Variants in PLCXD3 observed in about 807,000 individuals in gnomAD.
The protein encoded by PLCXD3 is PI-PLC X domain-containing protein 3.
In PLCXD3, 19 loss-of-function variants were observed where a neutral mutation model predicts 25.5. The ratio of observed to expected loss-of-function variants is 0.75; its 90% CI spans 0.52 to 1.09. The LOEUF is 1.09. PLCXD3 is among the 50% of genes least tolerant of loss of function. PLCXD3 has a pLI of 0.00. For missense variants in PLCXD3, 411 were observed against 388.1 expected (o/e 1.06, Z -0.50); for synonymous variants, 174 against 137.6 (o/e 1.26, Z -1.85).
chr5:41,488,485 A>G (rs1460140955), intron 1 of PLCXD3, among the ~76,000 whole-genome samples: 22 of 117,806 alleles, frequency 1.9e-4, no homozygotes, highest in South Asian at 3.4e-4. Flanking sequence ...CTAGCTCTAG[A>G]TCCCTGAGGA....
At chr5:41,360,727 G>T (rs923036059) in intron 2 of PLCXD3, among the ~76,000 whole-genome samples, 2 of 152,220 alleles carry the variant, frequency 1.3e-5, no homozygotes, top group Admixed American at 6.5e-5. Flanking sequence ...AGGTCTTTCA[G>T]CCATGGATAC....
At chr5:41,368,088 A>G (rs1056053056) in intron 2 of PLCXD3, among the ~76,000 whole-genome samples, 3 of 152,156 alleles carry the variant, frequency 2.0e-5, no homozygotes, top group Admixed American at 1.3e-4. Context: ...CTTTATATCC[A>G]TGAGCATGGA....
chr5:41,345,495 A>G (rs1744272293), intron 2 of PLCXD3, among the ~76,000 whole-genome samples: 2 of 152,214 alleles, frequency 1.3e-5, no homozygotes, highest in Admixed American at 1.3e-4. Context: ...TAGCAATATG[A>G]TGATAAGAAA....
chr5:41,433,756 C>T (rs1580371296), intron 1 of PLCXD3, among the ~76,000 whole-genome samples: 1 of 152,302 alleles, frequency 6.6e-6, no homozygotes, highest in Non-Finnish European at 1.5e-5. Flanking sequence ...TAAACAGCGC[C>T]CTCACAGGAG....
intron 2 of PLCXD3, among the ~76,000 whole-genome samples, chr5:41,315,483 G>A (rs1743264170): frequency 6.6e-6 from 1 of 151,772 alleles, no homozygotes; most frequent in Non-Finnish European, 1.5e-5. Context: ...GGCTGAGCAA[G>A]ATGGTGGAAC....
chr5:41,491,271 T>C (rs1201916862), intron 1 of PLCXD3, among the ~76,000 whole-genome samples: 3 of 152,264 alleles, frequency 2.0e-5, no homozygotes, highest in African/African-American at 7.2e-5. Flanking sequence ...TCCTGAGTTA[T>C]AGTTTGATTG....
At chr5:41,440,061 A>G (rs1457328201) in intron 1 of PLCXD3, among the ~76,000 whole-genome samples, 1 of 152,060 alleles carries the variant, frequency 6.6e-6, no homozygotes, top group Admixed American at 6.6e-5. Context: ...CATGGGCCTG[A>G]CTTGTATGAT....
chr5:41,379,612 T>C (rs188095748), intron 2 of PLCXD3, among the ~76,000 whole-genome samples: 33 of 152,168 alleles, frequency 2.2e-4, no homozygotes, highest in Admixed American at 8.5e-4. Flanking sequence ...GTGTTATAGA[T>C]GTTGTCAGGG....
chr5:41,497,222 C>G (rs1414832426), intron 1 of PLCXD3, among the ~76,000 whole-genome samples: 2 of 151,742 alleles, frequency 1.3e-5, no homozygotes, highest in Non-Finnish European at 3.0e-5. Context: ...TTTTACTATA[C>G]AATTTTTTAA....
intron 1 of PLCXD3, among the ~76,000 whole-genome samples, chr5:41,473,397 G>A (rs1480511472): frequency 1.3e-5 from 2 of 151,652 alleles, no homozygotes; most frequent in African/African-American, 2.4e-5. Context: ...AAGTAAACTG[G>A]TAGTATTAGG....
intron 2 of PLCXD3, among the ~76,000 whole-genome samples, chr5:41,348,888 C>T (rs1295793380): frequency 6.6e-6 from 1 of 152,110 alleles, no homozygotes; most frequent in African/African-American, 2.4e-5. Context: ...CAGGACTGAG[C>T]TCTGGAAAAT....
intron 1 of PLCXD3, among the ~76,000 whole-genome samples, chr5:41,418,443 G>A (rs1170695702): frequency 3.9e-5 from 6 of 152,168 alleles, no homozygotes; most frequent in Non-Finnish European, 2.9e-5. Context: ...TTATGTGAAA[G>A]CAGAGGGATA....
intron 1 of PLCXD3, among the ~76,000 whole-genome samples, chr5:41,505,661 G>A (rs1381182364): frequency 1.3e-5 from 2 of 152,198 alleles, no homozygotes; most frequent in African/African-American, 4.8e-5. Context: ...CAGATGAGCT[G>A]ATTTTAAGTG....
intron 1 of PLCXD3, among the ~76,000 whole-genome samples, chr5:41,448,078 C>G (rs982417707): frequency 7.2e-5 from 11 of 152,294 alleles, no homozygotes; most frequent in Admixed American, 7.2e-4. Context: ...CATAACAGCT[C>G]TTAAACACCA....
At chr5:41,485,681 C>A (rs2150523925) in intron 1 of PLCXD3, among the ~76,000 whole-genome samples, 1 of 152,274 alleles carries the variant, frequency 6.6e-6, no homozygotes, top group African/African-American at 2.4e-5. Context: ...GGAATAGAAT[C>A]AGCAGGACTA....
chr5:41,499,747 A>G (rs745418331), intron 1 of PLCXD3, among the ~76,000 whole-genome samples: 10 of 151,852 alleles, frequency 6.6e-5, no homozygotes, highest in Non-Finnish European at 8.9e-5. Flanking sequence ...ACATACTACA[A>G]AGCACAGTAA....
At chr5:41,475,286 T>C (rs1748255264) in intron 1 of PLCXD3, among the ~76,000 whole-genome samples, 1 of 152,218 alleles carries the variant, frequency 6.6e-6, no homozygotes, top group Admixed American at 6.5e-5. Flanking sequence ...ACGGGGTTTG[T>C]CATTCATCTG....
chr5:41,341,613 G>A (rs917708875), intron 2 of PLCXD3, among the ~76,000 whole-genome samples: 1 of 151,802 alleles, frequency 6.6e-6, no homozygotes. Context: ...GGTTTATAAG[G>A]TTTACCTGTT....
intron 1 of PLCXD3, among the ~76,000 whole-genome samples, chr5:41,411,870 A>C (rs1746538638): frequency 1.7e-5 from 1 of 58,416 alleles, no homozygotes; most frequent in African/African-American, 5.6e-5. Flanking sequence ...CCATATATAT[A>C]TCTCCATATA....
Sources: gnomAD v4.1 joint callset for allele counts (sites outside exome capture counted in the v4.1 genomes callset) on GRCh38, gnomAD v4.1.1 for gene constraint, MANE v1.5 for transcripts, NCBI Gene and HGNC (gene_info 2026-07-23, HGNC 2026-07-21) for gene names.